Variants in LRRC53 observed in about 807,000 individuals in gnomAD.
The protein encoded by LRRC53 is leucine-rich repeat-containing protein 53.
In LRRC53, 25 loss-of-function variants were observed where a neutral mutation model predicts 13.6. The observed-to-expected ratio is 1.83, with a 90% CI of 1.34 to 2.56. The LOEUF is 2.56. Among genes scored for constraint, LRRC53 ranks in the 30% most tolerant of loss-of-function variants. The pLI is 0.00. For synonymous variants in LRRC53, 204 were observed against 109.8 expected (o/e 1.86, Z -5.37); for missense variants, 527 against 275.8 (o/e 1.91, Z -6.45).
At chr1:74,520,720 A>T in the LRRC53 span, among the ~76,000 whole-genome samples, 87 of 152,250 alleles carry the variant, frequency 5.7e-4, no homozygotes, top group African/African-American at 1.7e-3. Flanking sequence ...GGCCTGGGGC[A>T]TACTATGTGG....
intron 2 of LRRC53, among the ~76,000 whole-genome samples, chr1:74,481,928 T>C (rs1668525774): frequency 6.6e-6 from 1 of 152,142 alleles, no homozygotes; most frequent in South Asian, 2.1e-4. Flanking sequence ...AAATTCAGAC[T>C]GCATCGCGGA....
At chr1:74,486,873 G>T (rs926724561) in intron 1 of LRRC53, among the ~76,000 whole-genome samples, 21 of 152,124 alleles carry the variant, frequency 1.4e-4, no homozygotes, top group African/African-American at 4.8e-4. Flanking sequence ...CAAAGGAATT[G>T]TTGCTTATAT....
the LRRC53 span, among the ~76,000 whole-genome samples, chr1:74,533,566 A>G: frequency 6.6e-6 from 1 of 152,222 alleles, no homozygotes; most frequent in Admixed American, 6.5e-5. Flanking sequence ...TACTGGGTAT[A>G]TACCCAAAGG....
chr1:74,471,864 C>T lies in LRRC53; in HGVS notation c.1758G>A (p.Met586Ile). 1 of 452,346 alleles carries T rather than the reference C, an allele frequency of 2.2e-6. No individual in the cohort carries two copies. Among genetic ancestry groups the T allele is most frequent in the East Asian group, 3.4e-5 (1 of 29,726 alleles). The allele number at this position is 452,346 out of a possible 1,614,324, so 28.0% of individuals were successfully genotyped here. A position where few individuals can be genotyped will look rare whatever the true frequency, so the allele number is the denominator to read the frequency against. The change falls in exon 5 of 5, where the codon ATG (methionine) becomes ATA (isoleucine). Residue 586 changes from methionine to isoleucine, a missense_variant. Transcript: ENST00000294635. ...YVPCEQFEDYMKEKKPNRRQH... is the reference protein window; with the variant it reads ...YVPCEQFEDYIKEKKPNRRQH... Reference sequence around the variant, plus strand: ...GTCTACGATTTGGCTTCTTTTCTTTCATGTAATCTTCAAATTGCTCACAGG... The same window carrying T: ...GTCTACGATTTGGCTTCTTTTCTTTTATGTAATCTTCAAATTGCTCACAGG...
At chr1:74,512,397 G>T (rs1210367750) in intron 1 of LRRC53, 129 bp downstream of exon 1, 2 of 152,124 alleles carry the variant, frequency 1.3e-5, no homozygotes, top group African/African-American at 4.8e-5. Flanking sequence ...TGACATTCCT[G>T]TACTGATGAC....
intron 1 of LRRC53, 47 bp from the exon 2 acceptor site, chr1:74,483,422 C>T (rs1411696481): frequency 8.5e-6 from 6 of 704,856 alleles, no homozygotes; most frequent in Non-Finnish European, 1.6e-5. Context: ...TTGGCATTCA[C>T]TGTCCATTAT....
the LRRC53 span, among the ~76,000 whole-genome samples, chr1:74,524,669 C>CAGCAAATAGCAAAT: frequency 6.6e-6 from 1 of 151,196 alleles, no homozygotes; most frequent in Non-Finnish European, 1.5e-5. Flanking sequence ...GGAGATACAG[C>CAGCAAATAGCAAAT]AGCAAATAAA....
At chr1:74,533,652 G>A in the LRRC53 span, among the ~76,000 whole-genome samples, 1 of 151,804 alleles carries the variant, frequency 6.6e-6, no homozygotes, top group African/African-American at 2.4e-5. Flanking sequence ...GCAAAGACTT[G>A]GAACCAACCC....
At chr1:74,534,175 G>C in the LRRC53 span, among the ~76,000 whole-genome samples, 1 of 151,514 alleles carries the variant, frequency 6.6e-6, no homozygotes, top group East Asian at 2.0e-4. Context: ...GTAATGTTCT[G>C]GGTCTCTTTA....
intron 1 of LRRC53, among the ~76,000 whole-genome samples, chr1:74,500,598 C>G (rs930397341): frequency 1.3e-5 from 1 of 74,956 alleles, no homozygotes; most frequent in Non-Finnish European, 2.5e-5. Flanking sequence ...AGCGAGACTC[C>G]GTCTCAAAAA....
chr1:74,524,220 T>G, the LRRC53 span, among the ~76,000 whole-genome samples: 1 of 152,212 alleles, frequency 6.6e-6, no homozygotes, highest in Non-Finnish European at 1.5e-5. Context: ...TCAGAAGTAT[T>G]TAGAGGCATT....
the LRRC53 span, among the ~76,000 whole-genome samples, chr1:74,527,394 G>A: frequency 6.6e-6 from 1 of 152,164 alleles, no homozygotes; most frequent in Non-Finnish European, 1.5e-5. Context: ...TGAGAAACAA[G>A]GCATAGTAGA....
At chr1:74,498,727 T>C (rs72977490) in intron 1 of LRRC53, among the ~76,000 whole-genome samples, 15,851 of 152,016 alleles carry the variant, frequency 0.1, 2,202 homozygotes, top group African/African-American at 0.32. Context: ...TTTCCAGTCT[T>C]CCCCCCGACT....
At chr1:74,525,610 A>G in the LRRC53 span, among the ~76,000 whole-genome samples, 1 of 152,238 alleles carries the variant, frequency 6.6e-6, no homozygotes, top group East Asian at 1.9e-4. Context: ...TACAGAGATA[A>G]GTAACAAAGC....
At position 74,470,821 on chromosome 1, in the gene LRRC53, G is replaced by A. The variant is rs1667890497; in HGVS notation, c.2801C>T (p.Ala934Val). The change falls in exon 5 of 5, where the codon GCT becomes GTT. Residue 934 changes from alanine (A) to valine (V), a missense_variant. Physicochemically the swap from Ala to Val is moderately conservative, Grantham distance 64 (BLOSUM62 0). Transcript: ENST00000294635. Reference protein sequence around the residue: ...SPRNQTQLLDAHKTDSYNKEY... With the variant: ...SPRNQTQLLDVHKTDSYNKEY... ...CTTGTTGTAGCTGTCAGTCTTGTGA[G>A]CATCTAAAAGTTGTGTTTGATTCCT... is the stretch of plus-strand genomic sequence containing the variant. The A allele has an allele frequency of 2.5e-6, 1 of 400,624 alleles. No homozygotes were observed. Among genetic ancestry groups the A allele is most frequent in the East Asian group, 3.6e-5 (1 of 28,070 alleles). The allele number at this position is 400,624 out of a possible 1,614,324, so 24.8% of individuals were successfully genotyped here. A position where few individuals can be genotyped will look rare whatever the true frequency, so the allele number is the denominator to read the frequency against.
the LRRC53 span, among the ~76,000 whole-genome samples, chr1:74,520,459 T>G: frequency 2.6e-5 from 4 of 152,012 alleles, no homozygotes; most frequent in Admixed American, 2.6e-4. Flanking sequence ...GAAATCGACC[T>G]TCTCATTTCT....
chr1:74,533,017 T>G, the LRRC53 span, among the ~76,000 whole-genome samples: 1 of 152,172 alleles, frequency 6.6e-6, no homozygotes, highest in African/African-American at 2.4e-5. Context: ...AAGGACTTCA[T>G]GTCCAAAACA....
rs1447798748 is a variant in LRRC53 at position 74,470,976 on chromosome 1, A to G, written c.2646T>C (p.Asn882=). The change falls in exon 5 of 5, where the codon AAT becomes AAC. Residue 882 remains asparagine (N), a synonymous_variant. Transcript: ENST00000294635. ...GGAATGGTAAAACATCACTTCCTGT[A>G]TTTTCCCAAGTAGTTGCTAAATAAC... ...VLSYLATTWE[N]TGSDVLPFQH... The G allele has an allele frequency of 2.5e-6, 1 of 400,610 alleles. No individual in the cohort carries two copies. The highest frequency in any genetic ancestry group is 4.4e-6 in the Non-Finnish European group (1 of 226,168). 24.8% of individuals were successfully genotyped at this position (400,610 alleles called of 1,614,324 possible).
chr1:74,505,569 A>G (rs1669851603), intron 1 of LRRC53, among the ~76,000 whole-genome samples: 1 of 151,934 alleles, frequency 6.6e-6, no homozygotes, highest in South Asian at 2.1e-4. Context: ...TCTTTTTTTC[A>G]CCTTTAACAT....
Sources: gnomAD v4.1 joint callset for allele counts (sites outside exome capture counted in the v4.1 genomes callset) on GRCh38, gnomAD v4.1.1 for gene constraint, MANE v1.5 for transcripts, NCBI Gene and HGNC (gene_info 2026-07-23, HGNC 2026-07-21) for gene names.